Variants in CTNS observed in about 807,000 individuals in gnomAD.
The protein encoded by CTNS is cystinosin, lysosomal cystine transporter.
CTNS carries 27 observed loss-of-function variants against 43.7 expected under a neutral mutation model. That is an observed-to-expected ratio of 0.62 (90% CI 0.46 to 0.85). The LOEUF (loss-of-function observed/expected upper bound fraction) is 0.85. Among genes scored for constraint, CTNS ranks in the 40% least tolerant of loss-of-function variants. The pLI, the probability that CTNS is intolerant of heterozygous loss-of-function variation, is 0.00. For synonymous variants in CTNS, 187 were observed against 190.6 expected (o/e 0.98, Z 0.16); for missense variants, 457 against 475.4 (o/e 0.96, Z 0.36).
intron 2 of CTNS, among the ~76,000 whole-genome samples, chr17:3,639,698 A>T (rs923696941): frequency 7.9e-6 from 1 of 126,150 alleles, no homozygotes; most frequent in African/African-American, 5.7e-5. Context: ...ATGTATATTA[A>T]AAAAAAATGT....
intron 5 of CTNS, among the ~76,000 whole-genome samples, chr17:3,652,922 G>A (rs2150914453): frequency 6.6e-6 from 1 of 152,320 alleles, no homozygotes; most frequent in Non-Finnish European, 1.5e-5. Context: ...CAAAGCCCCT[G>A]ATTTCTGATG....
chr17:3,641,245 C>CCAAAA (rs2075682978), intron 3 of CTNS, among the ~76,000 whole-genome samples: 1 of 151,056 alleles, frequency 6.6e-6, no homozygotes, highest in Non-Finnish European at 1.5e-5. Context: ...CTCCCACTGC[C>CCAAAA]CAAAACATCT....
intron 5 of CTNS, among the ~76,000 whole-genome samples, chr17:3,654,489 CAT>C (rs988924980): frequency 6.6e-6 from 1 of 151,732 alleles, no homozygotes; most frequent in Non-Finnish European, 1.5e-5. Flanking sequence ...GCCTGGCCAA[CAT>C]AGTGAAAGTC....
chr17:3,641,359 C>G (rs9904721), intron 3 of CTNS, among the ~76,000 whole-genome samples: 5,857 of 21,238 alleles, frequency 0.28, 1,455 homozygotes, highest in Non-Finnish European at 0.31. Flanking sequence ...AAATCAGATA[C>G]ATATATATAT....
chr17:3,654,913 C>G (rs2076088684), intron 5 of CTNS, 85 bp from the exon 6 acceptor site: 6 of 962,692 alleles, frequency 6.2e-6, no homozygotes, highest in Non-Finnish European at 1.0e-5. Flanking sequence ...CCCTCCGTTC[C>G]CTAGCGTGTT....
chr17:3,661,182 G>A lies in CTNS; in HGVS notation c.*813G>A, dbSNP rs1444245776. ...AGGACATAGCTCTCTCCTGCTACCAGTCTGTGCCTTAGAGGTCTGTTAGGC... is the reference window on the plus strand; with the variant it reads ...AGGACATAGCTCTCTCCTGCTACCAATCTGTGCCTTAGAGGTCTGTTAGGC... On this transcript the variant is annotated 3_prime_UTR_variant, in exon 12 of 12. Coordinates refer to ENST00000046640, the MANE Select transcript of CTNS (RefSeq NM_004937.3). 2.0e-5 allele frequency: 5 copies of A among 253,346 alleles called. No individual in the cohort carries two copies. The highest frequency in any genetic ancestry group is 1.1e-4 in the African/African-American group (5 of 44,874). The allele number at this position is 253,346 out of a possible 1,614,324, so 15.7% of individuals were successfully genotyped here.
intron 5 of CTNS, among the ~76,000 whole-genome samples, chr17:3,649,476 T>TA (rs2075924728): frequency 2.7e-5 from 4 of 150,774 alleles, no homozygotes; most frequent in African/African-American, 9.8e-5. Context: ...AAAAAGTTCT[T>TA]ACAATTTTCA....
intron 7 of CTNS, 181 bp downstream of exon 7, chr17:3,655,533 T>C: frequency 1.2e-6 from 1 of 849,544 alleles, no homozygotes; most frequent in Non-Finnish European, 1.9e-6. Context: ...GTGCTGGGCG[T>C]TTCATCCCTT....
rs558224864 is a variant in CTNS, at chr17:3,647,677, G to C, written c.140+155G>C. 3.2e-3 allele frequency: 2,356 copies of C among 730,344 alleles called. 4 individuals are homozygous for C. The highest frequency in any genetic ancestry group is 4.4e-3 in the Non-Finnish European group (1,847 of 418,172). The allele number at this position is 730,344 out of a possible 1,614,324, so 45.2% of individuals were successfully genotyped here. A position where few individuals can be genotyped will look rare whatever the true frequency, so the allele number is the denominator to read the frequency against. ...TAGAAAAAGGGATGGTGCTAGCCCC[G>C]GGCTGCAGGATGGGATCGCAAAGGC... On this transcript the variant is annotated intron_variant, in intron 4 of 11. Transcript: ENST00000046640.
rs757009591 is a variant in CTNS, at chr17:3,658,153, C to G, written c.830C>G (p.Thr277Arg). The change falls in exon 10 of 12, where the codon ACG becomes AGG. Residue 277 changes from threonine to arginine, a missense_variant. Physicochemically the swap from Thr to Arg is moderately conservative, Grantham distance 71 (BLOSUM62 -1). Transcript: ENST00000046640. ...TTCTCCTACATCAAGCTCGCAGTCA[C>G]GCTGGTCAAGTATTTTCCACAGGTA... is the stretch of plus-strand genomic sequence containing the variant. The part of the protein sequence containing the change: ...FCFSYIKLAV[T>R]LVKYFPQAYM... 1 of 1,612,318 alleles carries G rather than the reference C, an allele frequency of 6.2e-7. No individual in the cohort carries two copies.
intron 4 of CTNS, among the ~76,000 whole-genome samples, chr17:3,647,929 G>A (rs1184276677): frequency 2.6e-5 from 4 of 152,238 alleles, no homozygotes; most frequent in Non-Finnish European, 4.4e-5. Flanking sequence ...TCAGAAGCAG[G>A]AGTGGCCACG....
intron 5 of CTNS, chr17:3,650,396 C>G: frequency 6.6e-7 from 1 of 1,518,742 alleles, no homozygotes; most frequent in Non-Finnish European, 8.8e-7. Context: ...GCAGGAGAAT[C>G]ACTTGAGCCC....
chr17:3,659,420 G>A (rs1349880848), intron 10 of CTNS, among the ~76,000 whole-genome samples: 9 of 152,214 alleles, frequency 5.9e-5, no homozygotes, highest in Non-Finnish European at 8.8e-5. Context: ...TCCGGTGATG[G>A]AGCCAGGATT....
At chr17:3,653,015 C>G (rs2076023386) in intron 5 of CTNS, among the ~76,000 whole-genome samples, 1 of 152,222 alleles carries the variant, frequency 6.6e-6, no homozygotes, top group South Asian at 2.1e-4. Context: ...GTCCCAGCTA[C>G]TCAGGAGGCT....
chr17:3,657,305 C>T (rs370695159), intron 9 of CTNS, among the ~76,000 whole-genome samples: 5 of 152,110 alleles, frequency 3.3e-5, no homozygotes, highest in African/African-American at 7.2e-5. Flanking sequence ...AGGGGGCCCG[C>T]GTGCAGGCGG....
chr17:3,638,468 CTT>C (rs2075595948), intron 2 of CTNS, among the ~76,000 whole-genome samples: 1 of 152,050 alleles, frequency 6.6e-6, no homozygotes, highest in African/African-American at 2.4e-5. Flanking sequence ...GAACTCCTGA[CTT>C]CAAGTGATCC....
intron 2 of CTNS, among the ~76,000 whole-genome samples, chr17:3,638,246 TTTTAA>T (rs1247739267): frequency 7.2e-6 from 1 of 138,724 alleles, no homozygotes; most frequent in Non-Finnish European, 1.6e-5. Context: ...TGTTTTTTTT[TTTTAA>T]TTTGAGACGG....
Position 3,661,670 on chromosome 17 carries a change from A to ACTT in CTNS, c.*1303_*1305dup, listed in dbSNP as rs1389840456. 1 of 152,164 alleles carries ACTT rather than the reference A, an allele frequency of 6.6e-6. No individual in the cohort carries two copies. Among genetic ancestry groups the ACTT allele is most frequent in the Non-Finnish European group, 1.5e-5 (1 of 68,046 alleles). 9.4% of individuals were successfully genotyped at this position (152,164 alleles called of 1,614,324 possible). A position where few individuals can be genotyped will look rare whatever the true frequency, so the allele number is the denominator to read the frequency against. ...CGAGAGCGCTGCGTGCTGACCCCAC[A>ACTT]CTTCACTGGGGAGCCCTCTTGGGTA... On this transcript the variant is annotated 3_prime_UTR_variant, in exon 12 of 12. Transcript: ENST00000046640.
At chr17:3,644,948 A>C (rs1055846424) in intron 3 of CTNS, among the ~76,000 whole-genome samples, 17 of 152,242 alleles carry the variant, frequency 1.1e-4, no homozygotes, top group East Asian at 9.6e-4. Flanking sequence ...AGCCATGTAG[A>C]TCTCCCACTC....
Sources: allele counts gnomAD v4.1 joint callset (sites outside exome capture counted in the v4.1 genomes callset), GRCh38; gene constraint gnomAD v4.1.1; transcripts MANE v1.5; gene names NCBI Gene and HGNC (gene_info 2026-07-23, HGNC 2026-07-21).